GNAZ: variants seen among roughly 807,000 people sequenced by gnomAD.
GNAZ encodes the protein G protein subunit alpha z.
A neutral mutation model predicts 25.4 loss-of-function variants in GNAZ; 3 were observed. The ratio of observed to expected loss-of-function variants is 0.12; its 90% CI spans 0.05 to 0.30. The LOEUF is 0.30. GNAZ is among the 10% of genes least tolerant of loss of function. The pLI, the probability that GNAZ is intolerant of heterozygous loss-of-function variation, is 1.00. For missense variants in GNAZ, 241 were observed against 501.8 expected, an observed-to-expected ratio of 0.48 and a Z score of 4.97; for synonymous variants, 211 against 205.7, an observed-to-expected ratio of 1.03 and a Z score of -0.22.
rs142851108 is a variant in GNAZ at position 23,096,154 on chromosome 22, G to A, written c.459G>A (p.Ala153=). 73 of 1,612,970 alleles carry A rather than the reference G, an allele frequency of 4.5e-5. No homozygotes were observed. The highest frequency in any genetic ancestry group is 5.3e-5 in the African/African-American group (4 of 75,064). Residue 153 remains alanine (A), a synonymous_variant, in exon 2 of 3, where the codon GCG becomes GCA. Transcript: ENST00000615612. The part of the protein sequence containing the change: ...RSSEYHLEDN[A]AYYLNDLERI... ...GCGAGTACCACCTGGAGGACAACGC[G>A]GCCTACTACCTGAACGACCTGGAGC... is the stretch of plus-strand genomic sequence containing the variant.
chr22:23,122,728 G>A (rs2070066207), intron 2 of GNAZ: 1 of 288,672 alleles, frequency 3.5e-6, no homozygotes. Context: ...TGGATGGGCA[G>A]TGGGAAGATG....
intron 1 of GNAZ, among the ~76,000 whole-genome samples, chr22:23,076,936 G>T (rs2068520745): frequency 6.6e-6 from 1 of 152,182 alleles, no homozygotes; most frequent in South Asian, 2.1e-4. Flanking sequence ...CACTCTCTGG[G>T]CCTTCCTTGC....
In GNAZ at chr22:23,096,241, C is replaced by T. The variant is rs1337949722; in HGVS notation, c.546C>T (p.Thr182=). 8 of 1,613,856 alleles carry T rather than the reference C, an allele frequency of 5.0e-6. No individual in the cohort carries two copies. The highest frequency in any genetic ancestry group is 5.1e-6 in the Non-Finnish European group (6 of 1,180,020). The change falls in exon 2 of 3, where the codon ACC becomes ACT. Residue 182 remains threonine (T), a synonymous_variant. Coordinates refer to ENST00000615612, the MANE Select transcript of GNAZ (RefSeq NM_002073.4). The part of the protein sequence containing the change: ...VEDILRSRDM[T]TGIVENKFTF... ...ACATCCTGCGCTCCCGGGACATGAC[C>T]ACGGGCATTGTGGAGAACAAGTTCA...
intron 1 of GNAZ, among the ~76,000 whole-genome samples, chr22:23,089,036 G>T (rs2068890481): frequency 1.3e-5 from 2 of 152,168 alleles, no homozygotes; most frequent in Non-Finnish European, 2.9e-5. Context: ...CTTCGTCTTG[G>T]CTCACTCTTT....
intron 1 of GNAZ, among the ~76,000 whole-genome samples, chr22:23,092,898 A>C (rs116206985): frequency 6.6e-6 from 1 of 152,322 alleles, no homozygotes; most frequent in South Asian, 2.1e-4. Context: ...GACACCTCCC[A>C]CTGGGTTGGA....
intron 2 of GNAZ, among the ~76,000 whole-genome samples, chr22:23,117,071 A>G (rs2069862978): frequency 6.6e-6 from 1 of 152,146 alleles, no homozygotes; most frequent in Non-Finnish European, 1.5e-5. Context: ...TGTCCATGTC[A>G]GGTCCCATCC....
chr22:23,105,520 C>T (rs947549019), intron 2 of GNAZ, among the ~76,000 whole-genome samples: 11 of 152,204 alleles, frequency 7.2e-5, no homozygotes, highest in Non-Finnish European at 1.3e-4. Context: ...GCAGTGCCAG[C>T]GGCTAGGAGT....
At chr22:23,107,809 CG>C (rs1471195094) in intron 2 of GNAZ, among the ~76,000 whole-genome samples, 1 of 152,176 alleles carries the variant, frequency 6.6e-6, no homozygotes, top group East Asian at 1.9e-4. Context: ...GTTTTAAAGC[CG>C]GAAGAGCACC....
At chr22:23,101,214 C>G (rs1301727795) in intron 2 of GNAZ, among the ~76,000 whole-genome samples, 1 of 152,196 alleles carries the variant, frequency 6.6e-6, no homozygotes, top group Non-Finnish European at 1.5e-5. Flanking sequence ...GATGAGGAAA[C>G]TGAGCCTCAG....
chr22:23,111,072 T>TG (rs1203240418), intron 2 of GNAZ, among the ~76,000 whole-genome samples: 1 of 152,230 alleles, frequency 6.6e-6, no homozygotes, highest in Non-Finnish European at 1.5e-5. Flanking sequence ...CATCATTTGC[T>TG]GGGGGGCCTG....
At chr22:23,077,032 C>CT (rs1299222372) in intron 1 of GNAZ, among the ~76,000 whole-genome samples, 1 of 152,200 alleles carries the variant, frequency 6.6e-6, no homozygotes, top group Non-Finnish European at 1.5e-5. Context: ...CCAAAGCATG[C>CT]TGTGCTGAAG....
Position 23,111,021 on chromosome 22 carries a change from G to A in GNAZ, c.724-12066G>A, listed in dbSNP as rs533475674. Among the ~76,000 whole-genome samples, 8 of 152,306 alleles carry A rather than the reference G, an allele frequency of 5.3e-5. No homozygotes were observed. The East Asian group carries it at 9.6e-4, about 18-fold the overall frequency. ...AGGGGTGCTGCCTCAGAGCCACTTC[G>A]AATGAGGGGGTAGGATAGCACTGGG... On this transcript the variant is annotated intron_variant, in intron 2 of 2. Transcript: ENST00000615612.
chr22:23,110,363 G>A (rs2069610496), intron 2 of GNAZ, among the ~76,000 whole-genome samples: 3 of 152,298 alleles, frequency 2.0e-5, no homozygotes, highest in African/African-American at 4.8e-5. Context: ...CCAGACTGAC[G>A]AGGCCACAGG....
chr22:23,077,024 A>G (rs1294028254), intron 1 of GNAZ, among the ~76,000 whole-genome samples: 1 of 152,186 alleles, frequency 6.6e-6, no homozygotes, highest in African/African-American at 2.4e-5. Context: ...GTGACCGTCC[A>G]AAGCATGCTG....
rs1569172498 is a variant in GNAZ at position 23,095,656 on chromosome 22, C to T, written c.-40C>T. On this transcript the variant is annotated 5_prime_UTR_variant, in exon 2 of 3. Transcript: ENST00000615612. ...CCCTGTGGCAAGAGGGAGAGGTGCC[C>T]CATCCCGTGCTCCTTGTCTGGGCCC... is the stretch of plus-strand genomic sequence containing the variant. 1 of 1,561,586 alleles carries T rather than the reference C, an allele frequency of 6.4e-7. No individual in the cohort carries two copies. Among genetic ancestry groups the T allele is most frequent in the African/African-American group, 1.4e-5 (1 of 73,246 alleles).
At chr22:23,078,357 G>T (rs997366136) in intron 1 of GNAZ, among the ~76,000 whole-genome samples, 1 of 152,134 alleles carries the variant, frequency 6.6e-6, no homozygotes, top group Non-Finnish European at 1.5e-5. Context: ...ATAACACCAC[G>T]CACGCAAGCA....
At chr22:23,120,174 G>C (rs1346031701) in intron 2 of GNAZ, among the ~76,000 whole-genome samples, 1 of 152,192 alleles carries the variant, frequency 6.6e-6, no homozygotes, top group Non-Finnish European at 1.5e-5. Context: ...TCAGGAACAG[G>C]AGGCTCAAAG....
At chr22:23,073,772 C>A (rs2068436407) in intron 1 of GNAZ, among the ~76,000 whole-genome samples, 1 of 152,246 alleles carries the variant, frequency 6.6e-6, no homozygotes, top group Non-Finnish European at 1.5e-5. Context: ...TTACCAGCGC[C>A]TGCTGCATGC....
At chr22:23,091,902 G>A (rs2068990977) in intron 1 of GNAZ, among the ~76,000 whole-genome samples, 1 of 152,070 alleles carries the variant, frequency 6.6e-6, no homozygotes, top group African/African-American at 2.4e-5. Flanking sequence ...CCTTCCTTCA[G>A]TTCCCCTTTG....
Sources: allele counts gnomAD v4.1 joint callset (sites outside exome capture counted in the v4.1 genomes callset), GRCh38; gene constraint gnomAD v4.1.1; transcripts MANE v1.5; gene names NCBI Gene and HGNC (gene_info 2026-07-23, HGNC 2026-07-21).